Variants in MRPL15 observed in about 807,000 individuals in gnomAD.
MRPL15 encodes the protein large ribosomal subunit protein uL15m.
Under a neutral mutation model 28.0 loss-of-function variants are expected in MRPL15, and 24 were observed. That is an observed-to-expected ratio of 0.86 (90% CI 0.62 to 1.21). MRPL15 has a LOEUF of 1.21. Among genes scored for constraint, MRPL15 ranks in the 50% most tolerant of loss-of-function variants. The pLI, the probability that MRPL15 is intolerant of heterozygous loss-of-function variation, is 0.00. For missense variants in MRPL15, 343 were observed against 372.4 expected, an observed-to-expected ratio of 0.92 and a Z score of 0.65; for synonymous variants, 124 against 137.0, an observed-to-expected ratio of 0.90 and a Z score of 0.66.
intron 4 of MRPL15, among the ~76,000 whole-genome samples, chr8:54,146,205 G>A (rs1811042362): frequency 6.6e-6 from 1 of 152,236 alleles, no homozygotes; most frequent in Non-Finnish European, 1.5e-5. Flanking sequence ...CCAGCACTTT[G>A]GGAGGCCAAG....
chr8:54,144,399 G>T (rs898805027), intron 4 of MRPL15, among the ~76,000 whole-genome samples: 2 of 152,148 alleles, frequency 1.3e-5, no homozygotes, highest in African/African-American at 4.8e-5. Flanking sequence ...AAAAGGGAAG[G>T]ATTTGTGTCA....
chr8:54,135,841 G>A (rs1240326042), intron 1 of MRPL15, among the ~76,000 whole-genome samples: 1 of 152,148 alleles, frequency 6.6e-6, no homozygotes, highest in African/African-American at 2.4e-5. Context: ...TTCTTAATAA[G>A]GTTATGTTTA....
At chr8:54,140,574 CTTT>C (rs71551976) in intron 3 of MRPL15, among the ~76,000 whole-genome samples, 8 of 99,596 alleles carry the variant, frequency 8.0e-5, no homozygotes, top group African/African-American at 1.4e-4. Context: ...ATTTTCTTTT[CTTT>C]TTTTTTTTTT....
At chr8:54,137,772 A>T (rs1315196185) in intron 3 of MRPL15, among the ~76,000 whole-genome samples, 4 of 151,008 alleles carry the variant, frequency 2.6e-5, no homozygotes, top group South Asian at 2.1e-4. Flanking sequence ...CCCGTAGGAG[A>T]TATTTTTGAT....
chr8:54,143,880 C>G (rs1283499937), intron 4 of MRPL15, among the ~76,000 whole-genome samples: 2 of 152,224 alleles, frequency 1.3e-5, no homozygotes, highest in African/African-American at 2.4e-5. Flanking sequence ...GAGCTTCCCC[C>G]ACTTGGAATA....
Position 54,142,362 on chromosome 8 carries a change from G to A in MRPL15, c.430-301G>A, listed in dbSNP as rs1032133778. ...GTAGAGATGGGGTTTCTCCATGTTG[G>A]GCAGGCTGGTCTTGAACTCCTGACC... On this transcript the variant is annotated intron_variant, in intron 3 of 4. Transcript: ENST00000260102. 2.0e-5 allele frequency among the ~76,000 whole-genome samples: 3 copies of A among 151,758 alleles called. No individual in the cohort carries two copies. The South Asian group carries it at 6.2e-4, about 32-fold the overall frequency.
At chr8:54,137,704 TCTG>T (rs1386488598) in intron 3 of MRPL15, among the ~76,000 whole-genome samples, 1 of 152,124 alleles carries the variant, frequency 6.6e-6, no homozygotes, top group African/African-American at 2.4e-5. Context: ...CCTTAAGTGA[TCTG>T]CTCACCTCGG....
At chr8:54,142,963 A>T (rs1018085611) in intron 4 of MRPL15, 177 bp downstream of exon 4, 4 of 867,014 alleles carry the variant, frequency 4.6e-6, no homozygotes, top group Non-Finnish European at 6.8e-6. Flanking sequence ...CACATACACC[A>T]AGGGCAAAAA....
At position 54,147,653 on chromosome 8, in the gene MRPL15, G is replaced by T; in HGVS notation, c.825G>T (p.Val275=). 6.2e-7 allele frequency: 1 copy of T among 1,614,080 alleles called. No homozygotes were observed. Among genetic ancestry groups the T allele is most frequent in the Non-Finnish European group, 8.5e-7 (1 of 1,180,002 alleles). ...IFFGLAPGWV[V]NMADKKILKP... is the part of the protein sequence containing the mutation. ...TTGGTCTTGCTCCAGGATGGGTGGTGAATATGGCCGATAAGAAAATCCTAA... is the reference window on the plus strand; with the variant it reads ...TTGGTCTTGCTCCAGGATGGGTGGTTAATATGGCCGATAAGAAAATCCTAA... Residue 275 remains valine (V), a synonymous_variant, in exon 5 of 5, where the codon GTG becomes GTT. Transcript: ENST00000260102.
intron 4 of MRPL15, among the ~76,000 whole-genome samples, chr8:54,145,733 G>A (rs1811033935): frequency 6.6e-6 from 1 of 152,120 alleles, no homozygotes; most frequent in South Asian, 2.1e-4. Flanking sequence ...ACCTCCCAAG[G>A]TGCTGGCATT....
intron 3 of MRPL15, among the ~76,000 whole-genome samples, chr8:54,139,099 A>G (rs1810877077): frequency 1.3e-5 from 2 of 152,158 alleles, no homozygotes; most frequent in Non-Finnish European, 2.9e-5. Flanking sequence ...TCCCGGGTTC[A>G]AGCGATTCTC....
intron 3 of MRPL15, among the ~76,000 whole-genome samples, chr8:54,139,767 C>T (rs558390816): frequency 2.6e-5 from 4 of 152,084 alleles, no homozygotes; most frequent in Non-Finnish European, 5.9e-5. Context: ...ACAAAATTAT[C>T]AATTTGGAAA....
At chr8:54,138,475 G>A (rs1263546402) in intron 3 of MRPL15, among the ~76,000 whole-genome samples, 1 of 151,378 alleles carries the variant, frequency 6.6e-6, no homozygotes, top group African/African-American at 2.4e-5. Flanking sequence ...GTGCCACCAC[G>A]TCTGGCTAAT....
At chr8:54,137,207 T>C in intron 2 of MRPL15, 61 bp from the exon 3 acceptor site, 1 of 1,504,008 alleles carries the variant, frequency 6.6e-7, no homozygotes, top group Non-Finnish European at 9.1e-7. Context: ...AAGCTTTGAG[T>C]TGATTTCGAG....
At chr8:54,137,124 T>G (rs1404630749) in intron 2 of MRPL15, 144 bp from the exon 3 acceptor site, 1 of 756,518 alleles carries the variant, frequency 1.3e-6, no homozygotes, top group Admixed American at 2.9e-5. Flanking sequence ...AATCAAGCAG[T>G]ATTACATGTT....
chr8:54,136,755 G>A, intron 2 of MRPL15, 90 bp downstream of exon 2: 1 of 1,468,694 alleles, frequency 6.8e-7, no homozygotes, highest in Non-Finnish European at 9.2e-7. Flanking sequence ...GGTGGAAATT[G>A]TAAATTCACT....
At chr8:54,136,784 A>G (rs1362816612) in intron 2 of MRPL15, 119 bp downstream of exon 2, 16 of 1,262,950 alleles carry the variant, frequency 1.3e-5, no homozygotes, top group African/African-American at 1.5e-5. Flanking sequence ...AACTTTTGCT[A>G]CTGTTCCCCT....
rs865777948 is a variant in MRPL15 at position 54,136,762 on chromosome 8, C to T, written c.263+97C>T. 8 of 1,420,196 alleles carry T rather than the reference C, an allele frequency of 5.6e-6. No individual in the cohort carries two copies. The East Asian group carries it at 1.9e-4, about 33-fold the overall frequency. The allele number at this position is 1,420,196 out of a possible 1,614,324, so 88.0% of individuals were successfully genotyped here. On this transcript the variant is annotated intron_variant, in intron 2 of 4. Coordinates refer to ENST00000260102, the MANE Select transcript of MRPL15 (RefSeq NM_014175.4). ...GAAATTTTGGTGGAAATTGTAAATT[C>T]ACTTTGAAGCAAACTTTTGCTACTG... is the stretch of plus-strand genomic sequence containing the variant.
At chr8:54,135,800 G>C (rs945872757) in intron 1 of MRPL15, among the ~76,000 whole-genome samples, 1 of 152,096 alleles carries the variant, frequency 6.6e-6, no homozygotes, top group South Asian at 2.1e-4. Context: ...TGGGATTACA[G>C]GCGTGAGCCA....
Sources: allele counts gnomAD v4.1 joint callset (sites outside exome capture counted in the v4.1 genomes callset), GRCh38; gene constraint gnomAD v4.1.1; transcripts MANE v1.5; gene names NCBI Gene and HGNC (gene_info 2026-07-23, HGNC 2026-07-21).